TAOK2: variants seen among roughly 807,000 people sequenced by gnomAD.
TAOK2 encodes TAO kinase 2.
Under a neutral mutation model 122.5 loss-of-function variants are expected in TAOK2, and 42 were observed. The ratio of observed to expected loss-of-function variants is 0.34; its 90% CI spans 0.27 to 0.44. The LOEUF (loss-of-function observed/expected upper bound fraction) is 0.44, where lower values mean the gene tolerates loss of function less well. Ranked by LOEUF, TAOK2 falls within the 20% of genes least tolerant of loss-of-function variation. The pLI, the probability that TAOK2 is intolerant of heterozygous loss-of-function variation, is 1.00. For synonymous variants in TAOK2, 704 were observed against 677.6 expected (o/e 1.04, Z -0.61); for missense variants, 1,264 against 1,644.9 (o/e 0.77, Z 4.01).
chr16:29,990,613 G>T, downstream of TAOK2: 1 of 555,018 alleles, frequency 1.8e-6, no homozygotes, highest in Admixed American at 3.6e-5. Flanking sequence ...TATACCTGGG[G>T]GATAGATTCT....
intron 3 of TAOK2, 30 bp downstream of exon 3, chr16:29,978,190 G>A (rs1327834969): frequency 1.2e-6 from 2 of 1,613,726 alleles, no homozygotes; most frequent in Admixed American, 1.7e-5. Context: ...GCCAGGTTGG[G>A]GACAGGGGAC....
At chr16:29,989,419 C>G (rs1284479086), downstream of TAOK2, 2 of 984,894 alleles carry the variant, frequency 2.0e-6, no homozygotes, top group Admixed American at 1.2e-4. Flanking sequence ...CCCCCCACCC[C>G]CTCTGTCTAA....
At chr16:29,989,708 G>T, downstream of TAOK2, 1 of 1,614,044 alleles carries the variant, frequency 6.2e-7, no homozygotes, top group South Asian at 1.1e-5. Context: ...CAGCACAAGA[G>T]CCTCCTTAAG....
chr16:29,989,761 G>C (rs750855538), downstream of TAOK2: 1 of 1,613,922 alleles, frequency 6.2e-7, no homozygotes, highest in South Asian at 1.1e-5. Context: ...GATCTTGGCG[G>C]AGCAGTATGA....
downstream of TAOK2, chr16:29,991,478 C>G (rs1022843450): frequency 2.7e-6 from 4 of 1,484,198 alleles, no homozygotes; most frequent in Non-Finnish European, 3.6e-6. This position sits in a 1 kb window ranked among gnomAD's most constrained non-coding sequence, Gnocchi z 5.6. Context: ...AGAATGTGGG[C>G]CCCCCTGCTG....
In TAOK2 at chr16:29,979,400, C is replaced by G. The variant is rs1005092541; in HGVS notation, c.564-17C>G. ...CTCGGCGGGTGATTTGCCTCTCTCT[C>G]CTGACCATTCTCCTAGGATGGCACC... On this transcript the variant is annotated splice_polypyrimidine_tract_variant and intron_variant, in intron 7 of 15. Coordinates refer to ENST00000308893, the MANE Select transcript of TAOK2 (RefSeq NM_016151.4). This position sits in a 1 kb window ranked among gnomAD's most constrained non-coding sequence, Gnocchi z 4.1. 2.5e-6 allele frequency: 4 copies of G among 1,599,982 alleles called. No homozygotes were observed. Among genetic ancestry groups the G allele is most frequent in the Admixed American group, 1.7e-5 (1 of 59,024 alleles).
chr16:29,991,638 G>A, downstream of TAOK2: 1 of 1,409,360 alleles, frequency 7.1e-7, no homozygotes, highest in Middle Eastern at 2.6e-4. This position sits in a 1 kb window ranked among gnomAD's most constrained non-coding sequence, Gnocchi z 5.6. Flanking sequence ...GGAGGGCACT[G>A]AGCTGGAGGC....
At chr16:29,982,936 C>T (rs1301167617) in intron 11 of TAOK2, 35 bp downstream of exon 11, 31 of 1,610,220 alleles carry the variant, frequency 1.9e-5, no homozygotes, top group African/African-American at 2.7e-5. Context: ...CTCTTTATAC[C>T]CCATGTGTGC....
chr16:29,977,689 C>T lies in TAOK2; in HGVS notation c.-35-49C>T, dbSNP rs77033297. ...GAAACTTGATGGGTCCCTTCCTCTC[C>T]CTGAAGGCTCAATCCTTGATCTCTA... On this transcript the variant is annotated intron_variant, in intron 1 of 15. Coordinates refer to ENST00000308893, the MANE Select transcript of TAOK2 (RefSeq NM_016151.4). The T allele has an allele frequency of 1.3e-3, 1,977 of 1,540,830 alleles. 19 individuals carry two copies. In the African/African-American group the frequency reaches 0.025, roughly 19 times the overall value.
chr16:29,980,622 C>T (rs552994475), intron 8 of TAOK2: 1 of 152,214 alleles, frequency 6.6e-6, no homozygotes, highest in South Asian at 2.1e-4. Flanking sequence ...GAGATTTGGA[C>T]GAGCCCTTCT....
downstream of TAOK2, chr16:29,989,209 C>T (rs1408728908): frequency 3.0e-6 from 3 of 985,158 alleles, no homozygotes; most frequent in Non-Finnish European, 3.6e-6. Context: ...CAGTCTCTCC[C>T]TCTTTGCCTG....
At position 29,987,087 on chromosome 16, in the gene TAOK2, C is replaced by T. The variant is rs1401625251; in HGVS notation, c.2815C>T (p.Pro939Ser). 8 of 1,613,250 alleles carry T rather than the reference C, an allele frequency of 5.0e-6. No homozygotes were observed. The Admixed American group carries it at 1.3e-4, about 27-fold the overall frequency. ...EPPPTHLRPC[P>S]ASQLPGLLSH... ...CCCTCCAACACACCTGAGGCCCTGC[C>T]CTGCCAGCCAGCTCCCTGGACTCCT... The change falls in exon 16 of 16, where the codon CCT becomes TCT. Residue 939 changes from proline to serine, a missense_variant. This residue lies in a region of TAOK2 where 824 missense variants were observed against 908.7 expected (regional missense o/e 0.91). Coordinates refer to ENST00000308893, the MANE Select transcript of TAOK2 (RefSeq NM_016151.4).
chr16:29,981,376 T>C (rs2069609087), intron 8 of TAOK2: 1 of 589,990 alleles, frequency 1.7e-6, no homozygotes, highest in East Asian at 2.8e-5. Flanking sequence ...TAAGAAATAT[T>C]AGTTGGGGTG....
downstream of TAOK2, chr16:29,991,149 A>T (rs756843149): frequency 2.5e-6 from 4 of 1,610,830 alleles, no homozygotes; most frequent in South Asian, 1.1e-5. This position sits in a 1 kb window ranked among gnomAD's most constrained non-coding sequence, Gnocchi z 5.6. Context: ...TGCGGAAAGC[A>T]TGAGGCTGGG....
chr16:29,985,386 G>T lies in TAOK2; in HGVS notation c.1596G>T (p.Arg532=), dbSNP rs2069752903. ...TGCAGCGGGAGCTTGAGGCGCAGCG[G>T]GCTGGCTTTGGGGCAGAGGCAGAAA... The part of the protein sequence containing the change: ...ARLQRELEAQ[R]AGFGAEAEKL... The change falls in exon 14 of 16, where the codon CGG becomes CGT. Residue 532 remains arginine, a synonymous_variant. Transcript: ENST00000308893. The surrounding 1 kb of genome is among the most constrained non-coding windows in gnomAD (Gnocchi z 6.9). 1 of 1,609,460 alleles carries T rather than the reference G, an allele frequency of 6.2e-7. No individual in the cohort carries two copies. Among genetic ancestry groups the T allele is most frequent in the Non-Finnish European group, 8.5e-7 (1 of 1,177,864 alleles).
chr16:29,983,051 C>T (rs368186383), intron 11 of TAOK2, 21 bp from the exon 12 acceptor site: 52 of 1,613,044 alleles, frequency 3.2e-5, no homozygotes, highest in Middle Eastern at 3.3e-4. Context: ...CCCTGTCCAG[C>T]AGCCTACGCC....
At chr16:29,977,347 A>G (rs1350167804) in intron 1 of TAOK2, among the ~76,000 whole-genome samples, 7 of 152,146 alleles carry the variant, frequency 4.6e-5, no homozygotes. Context: ...GTGCCTGGAA[A>G]CAGTTGGGGT....
Position 29,978,296 on chromosome 16 carries a change from C to G in TAOK2, c.249C>G (p.Leu83=), listed in dbSNP as rs758419034. The G allele has an allele frequency of 1.2e-6, 2 of 1,614,100 alleles. No individual in the cohort carries two copies. The highest frequency in any genetic ancestry group is 4.5e-5 in the East Asian group (2 of 44,878). The change falls in exon 4 of 16, where the codon CTC becomes CTG. Residue 83 remains leucine, a synonymous_variant. Coordinates refer to ENST00000308893, the MANE Select transcript of TAOK2 (RefSeq NM_016151.4). ...IIKEVRFLQK[L]RHPNTIQYRG... ...AGGAGGTGCGGTTCTTACAGAAGCT[C>G]CGGCATCCCAACACCATTCAGTACC...
downstream of TAOK2, chr16:29,990,762 A>G (rs767618044): frequency 1.3e-6 from 2 of 1,592,278 alleles, no homozygotes; most frequent in African/African-American, 2.7e-5. Context: ...GATCCCTACA[A>G]CTGGTTGTTC....
Sources: gnomAD v4.1 joint callset for allele counts (sites outside exome capture counted in the v4.1 genomes callset) on GRCh38, gnomAD v4.1.1 for gene constraint, gnomAD v4.1.1 regional missense constraint, Gnocchi (gnomAD v3.1) non-coding constraint, MANE v1.5 for transcripts, NCBI Gene and HGNC (gene_info 2026-07-23, HGNC 2026-07-21) for gene names.